The following NTRK3 variants were observed in gnomAD, a reference collection of about 807,000 sequenced individuals.
The protein encoded by NTRK3 is neurotrophic receptor tyrosine kinase 3, also known as NT-3 growth factor receptor.
Under a neutral mutation model 91.7 loss-of-function variants are expected in NTRK3, and 24 were observed. The ratio of observed to expected loss-of-function variants is 0.26; its 90% CI spans 0.19 to 0.37. The LOEUF is 0.37. Among genes scored for constraint, NTRK3 ranks in the 10% least tolerant of loss-of-function variants. The pLI is 1.00. For synonymous variants in NTRK3, 483 were observed against 404.0 expected, an observed-to-expected ratio of 1.20 and a Z score of -2.34; for missense variants, 880 against 1,068.9, an observed-to-expected ratio of 0.82 and a Z score of 2.46.
chr15:87,861,254 C>G (rs1412929803), exon 19 of NTRK3: 2 of 218,346 alleles, frequency 9.2e-6, no homozygotes, highest in Non-Finnish European at 1.8e-5. Context: ...AAATCAGTTA[C>G]AACAGTACCT....
intron 14 of NTRK3, among the ~76,000 whole-genome samples, chr15:87,992,709 T>C (rs1270649577): frequency 6.6e-6 from 1 of 152,214 alleles, no homozygotes; most frequent in Non-Finnish European, 1.5e-5. Context: ...GATGCAGAAA[T>C]GAAGGGGCAG....
intron 14 of NTRK3, among the ~76,000 whole-genome samples, chr15:88,032,059 C>T (rs1033204495): frequency 1.3e-5 from 2 of 152,118 alleles, no homozygotes; most frequent in Non-Finnish European, 2.9e-5. Flanking sequence ...TGTGCTCTCT[C>T]TTGATGCAGT....
chr15:88,112,721 C>A lies in NTRK3; in HGVS notation c.1396+13550G>T, dbSNP rs114397339. 6.0e-3 allele frequency among the ~76,000 whole-genome samples: 909 copies of A among 152,286 alleles called. 14 individuals carry two copies. Among genetic ancestry groups the A allele is most frequent in the African/African-American group, 0.021 (866 of 41,556 alleles). On this transcript the variant is annotated intron_variant, in intron 13 of 18. Coordinates refer to ENST00000394480, the Ensembl canonical transcript of NTRK3. ...GGCTCTTGGTCCCAGTGATGGGAGA[C>A]TCTGAGCAGCAGGGTTCAGAAAGGT...
At chr15:87,929,024 G>C in intron 17 of NTRK3, 167 bp downstream of exon 17, 1 of 863,330 alleles carries the variant, frequency 1.2e-6, no homozygotes, top group Non-Finnish European at 1.9e-6. Context: ...TAATAAACAG[G>C]TATGTCAAGA....
chr15:88,231,649 G>T (rs909873546), intron 3 of NTRK3, among the ~76,000 whole-genome samples: 14 of 152,128 alleles, frequency 9.2e-5, no homozygotes, highest in Non-Finnish European at 1.6e-4. Context: ...TGTAAGAGAG[G>T]TGCTGAACCC....
At chr15:88,223,550 G>A (rs1176620565) in intron 3 of NTRK3, among the ~76,000 whole-genome samples, 1 of 152,218 alleles carries the variant, frequency 6.6e-6, no homozygotes, top group East Asian at 1.9e-4. Flanking sequence ...AGCAGGCCTG[G>A]GGCAGCCCTA....
intron 3 of NTRK3, among the ~76,000 whole-genome samples, chr15:88,246,034 C>A (rs566499024): frequency 6.6e-6 from 1 of 152,224 alleles, no homozygotes; most frequent in Non-Finnish European, 1.5e-5. Context: ...GGTCAGGAAG[C>A]TGGGAGCAGA....
At chr15:88,202,311 ACTGACTTTCTCTCCTGGC>A (rs2048373235) in intron 3 of NTRK3, among the ~76,000 whole-genome samples, 1 of 152,054 alleles carries the variant, frequency 6.6e-6, no homozygotes, top group Non-Finnish European at 1.5e-5. Context: ...CCCCCACTTC[ACTGACTTTCTCTCCTGGC>A]CTTTCCCTTC....
At chr15:87,919,027 A>G (rs1261579204) in intron 17 of NTRK3, among the ~76,000 whole-genome samples, 1 of 152,208 alleles carries the variant, frequency 6.6e-6, no homozygotes, top group Admixed American at 6.5e-5. Context: ...ACTTGAGTAC[A>G]TCCCACAAAC....
intron 3 of NTRK3, among the ~76,000 whole-genome samples, chr15:88,197,617 AC>A (rs1403912854): frequency 6.6e-6 from 1 of 152,202 alleles, no homozygotes; most frequent in Non-Finnish European, 1.5e-5. Flanking sequence ...AAACCATTGC[AC>A]TACTGAGATG....
At chr15:88,200,372 G>C (rs2048196852) in intron 3 of NTRK3, among the ~76,000 whole-genome samples, 1 of 152,168 alleles carries the variant, frequency 6.6e-6, no homozygotes, top group Non-Finnish European at 1.5e-5. Context: ...CCTCTGCCTG[G>C]CATCTGGTGT....
intron 13 of NTRK3, among the ~76,000 whole-genome samples, chr15:88,095,781 T>C (rs960805437): frequency 5.3e-5 from 8 of 152,128 alleles, no homozygotes; most frequent in African/African-American, 1.9e-4. Flanking sequence ...ATTGAAATGA[T>C]TATACAGCCA....
intron 3 of NTRK3, among the ~76,000 whole-genome samples, chr15:88,211,592 T>A (rs2049252612): frequency 6.6e-6 from 1 of 152,252 alleles, no homozygotes; most frequent in Non-Finnish European, 1.5e-5. Flanking sequence ...TAATTAGGAA[T>A]GTAAGCAAAA....
chr15:88,110,773 G>A (rs1162740518), intron 13 of NTRK3, among the ~76,000 whole-genome samples: 2 of 152,180 alleles, frequency 1.3e-5, no homozygotes, highest in Non-Finnish European at 2.9e-5. Context: ...GACATGGCAG[G>A]AGCTAGACTC....
exon 19 of NTRK3, chr15:87,876,545 C>T (rs1025832547): frequency 4.5e-6 from 1 of 224,102 alleles, no homozygotes; most frequent in African/African-American, 2.2e-5. Context: ...AGAGCCGTAG[C>T]ATTAGAAGCA....
intron 5 of NTRK3, among the ~76,000 whole-genome samples, chr15:88,174,514 G>GA (rs2045816632): frequency 6.6e-6 from 1 of 152,106 alleles, no homozygotes; most frequent in Non-Finnish European, 1.5e-5. Flanking sequence ...TTCACTCTGT[G>GA]AAAATCCTAT....
At chr15:88,093,085 T>TG (rs1305934726) in intron 13 of NTRK3, among the ~76,000 whole-genome samples, 4 of 151,418 alleles carry the variant, frequency 2.6e-5, no homozygotes, top group African/African-American at 9.7e-5. Flanking sequence ...TTTTTTTTTT[T>TG]TTGTTGGGGA....
chr15:87,931,592 G>T (rs1279778455), intron 16 of NTRK3, among the ~76,000 whole-genome samples: 1 of 152,142 alleles, frequency 6.6e-6, no homozygotes, highest in Admixed American at 6.5e-5. Context: ...TCCAAGATAT[G>T]AACCCAAATC....
intron 14 of NTRK3, among the ~76,000 whole-genome samples, chr15:87,988,372 T>G (rs1335052793): frequency 6.6e-6 from 1 of 152,170 alleles, no homozygotes; most frequent in Non-Finnish European, 1.5e-5. Flanking sequence ...GGTCCAGGAA[T>G]GGAGAAAGGA....
Sources: allele counts gnomAD v4.1 joint callset (sites outside exome capture counted in the v4.1 genomes callset), GRCh38; gene constraint gnomAD v4.1.1; transcripts MANE v1.5; gene names NCBI Gene and HGNC (gene_info 2026-07-23, HGNC 2026-07-21).